Variants in AGBL4 observed in about 807,000 individuals in gnomAD.
AGBL4 encodes AGBL carboxypeptidase 4, also known as cytosolic carboxypeptidase 6.
AGBL4 carries 58 observed loss-of-function variants against 66.4 expected under a neutral mutation model. The ratio of observed to expected loss-of-function variants is 0.87; its 90% CI spans 0.71 to 1.09. The LOEUF (loss-of-function observed/expected upper bound fraction) is 1.09, where lower values mean the gene tolerates loss of function less well. AGBL4 is among the 50% of genes least tolerant of loss of function. The pLI is 0.00. For missense variants in AGBL4, 579 were observed against 631.0 expected (o/e 0.92, Z 0.88); for synonymous variants, 234 against 222.9 (o/e 1.05, Z -0.44).
At chr1:48,885,545 C>G (rs1398787705) in intron 5 of AGBL4, among the ~76,000 whole-genome samples, 1 of 152,034 alleles carries the variant, frequency 6.6e-6, no homozygotes, top group East Asian at 1.9e-4. Context: ...TTATGGGGCT[C>G]TGTGCAAAAT....
At chr1:48,835,105 T>A (rs1646644720) in intron 6 of AGBL4, among the ~76,000 whole-genome samples, 1 of 152,146 alleles carries the variant, frequency 6.6e-6, no homozygotes, top group Admixed American at 6.6e-5. Context: ...ATGCTCTGGA[T>A]TTAAACTGGG....
At chr1:49,909,197 T>G (rs902900090) in intron 1 of AGBL4, among the ~76,000 whole-genome samples, 2 of 152,188 alleles carry the variant, frequency 1.3e-5, no homozygotes, top group African/African-American at 4.8e-5. Flanking sequence ...AAATAATATT[T>G]GTAATTTTTG....
At chr1:49,116,122 G>A (rs1253928514) in intron 4 of AGBL4, among the ~76,000 whole-genome samples, 3 of 152,064 alleles carry the variant, frequency 2.0e-5, no homozygotes, top group Admixed American at 2.0e-4. Flanking sequence ...CTCTGTATAA[G>A]TATGTTTTTT....
At chr1:48,717,487 T>G (rs1479798609) in intron 6 of AGBL4, among the ~76,000 whole-genome samples, 1 of 152,210 alleles carries the variant, frequency 6.6e-6, no homozygotes, top group African/African-American at 2.4e-5. Flanking sequence ...TTTGCTGTAT[T>G]GACATTTCAC....
At chr1:49,133,797 G>A (rs1184691740) in intron 4 of AGBL4, among the ~76,000 whole-genome samples, 2 of 152,142 alleles carry the variant, frequency 1.3e-5, no homozygotes, top group East Asian at 3.9e-4. Flanking sequence ...GAGATAATAG[G>A]TGATGTATAA....
intron 5 of AGBL4, among the ~76,000 whole-genome samples, chr1:49,033,790 T>C (rs1315347523): frequency 2.6e-5 from 4 of 152,050 alleles, no homozygotes; most frequent in Admixed American, 6.6e-5. Context: ...CTCTTTCCTC[T>C]GGTTTCATGA....
intron 2 of AGBL4, among the ~76,000 whole-genome samples, chr1:49,795,888 G>A (rs957097408): frequency 3.3e-5 from 5 of 151,750 alleles, no homozygotes; most frequent in African/African-American, 4.8e-5. Flanking sequence ...GATTTGGAAG[G>A]ATTAAACATA....
intron 6 of AGBL4, among the ~76,000 whole-genome samples, chr1:48,665,748 T>G (rs907784680): frequency 1.3e-5 from 2 of 148,556 alleles, no homozygotes; most frequent in Non-Finnish European, 3.0e-5. Context: ...AGCCGCTGTC[T>G]TAGTATTTAT....
intron 5 of AGBL4, among the ~76,000 whole-genome samples, chr1:48,879,546 CAT>C (rs781697795): frequency 6.6e-6 from 1 of 152,056 alleles, no homozygotes; most frequent in Admixed American, 6.5e-5. Context: ...ACTTTCCTAA[CAT>C]ATTTTAATTT....
intron 3 of AGBL4, among the ~76,000 whole-genome samples, chr1:49,336,593 T>A (rs577421629): frequency 5.9e-5 from 9 of 152,318 alleles, no homozygotes; most frequent in Non-Finnish European, 2.9e-5. Context: ...ACAATTATAA[T>A]CCCTTAGATC....
At chr1:49,937,803 A>G (rs952666663) in intron 1 of AGBL4, among the ~76,000 whole-genome samples, 1 of 152,188 alleles carries the variant, frequency 6.6e-6, no homozygotes, top group Non-Finnish European at 1.5e-5. Context: ...GAGAACAAAG[A>G]CACAACATAC....
At position 48,589,257 on chromosome 1, in the gene AGBL4, G is replaced by A. The variant is rs1644876537; in HGVS notation, c.1104+1576C>T. ...CTGGGGCCACTCTTTACTCTCAGGT[G>A]TAAAGAGGGGACTGGACTAAATAAT... On this transcript the variant is annotated intron_variant, in intron 10 of 13. Coordinates refer to ENST00000371839, the MANE Select transcript of AGBL4 (RefSeq NM_032785.4). 2.0e-5 allele frequency among the ~76,000 whole-genome samples: 3 copies of A among 152,154 alleles called. No individual in the cohort carries two copies. The South Asian group carries it at 6.2e-4, about 32-fold the overall frequency.
intron 11 of AGBL4, among the ~76,000 whole-genome samples, chr1:48,546,594 C>G (rs1156230945): frequency 1.3e-5 from 2 of 152,140 alleles, no homozygotes; most frequent in East Asian, 1.9e-4. Flanking sequence ...AAATATTAGG[C>G]TAGAGACAAG....
intron 11 of AGBL4, among the ~76,000 whole-genome samples, chr1:48,544,710 ACTGCCCTGAGACC>A: frequency 6.6e-6 from 1 of 152,120 alleles, no homozygotes; most frequent in Non-Finnish European, 1.5e-5. Context: ...GAGCAGTCTG[ACTGCCCTGAGACC>A]CTGAGACCCT....
At chr1:48,886,739 A>G (rs1650392264) in intron 5 of AGBL4, among the ~76,000 whole-genome samples, 1 of 151,974 alleles carries the variant, frequency 6.6e-6, no homozygotes, top group Non-Finnish European at 1.5e-5. Flanking sequence ...TTTTTAGTAG[A>G]GAGGAGTTTC....
intron 6 of AGBL4, among the ~76,000 whole-genome samples, chr1:48,778,860 G>A (rs918868271): frequency 6.6e-6 from 1 of 152,144 alleles, no homozygotes; most frequent in African/African-American, 2.4e-5. Context: ...ATATCCAAAT[G>A]TGTAGGTCAG....
intron 1 of AGBL4, among the ~76,000 whole-genome samples, chr1:49,934,985 G>A (rs1189662770): frequency 6.6e-6 from 1 of 152,214 alleles, no homozygotes; most frequent in Non-Finnish European, 1.5e-5. Flanking sequence ...GTGGGCACAG[G>A]ACAGTGGGTG....
At chr1:48,854,293 C>T (rs1647097137) in intron 6 of AGBL4, among the ~76,000 whole-genome samples, 1 of 152,174 alleles carries the variant, frequency 6.6e-6, no homozygotes, top group African/African-American at 2.4e-5. Context: ...TTAATCATAG[C>T]TCCTAGACTC....
intron 1 of AGBL4, among the ~76,000 whole-genome samples, chr1:49,970,695 CA>C (rs1387298320): frequency 2.0e-4 from 19 of 96,346 alleles, no homozygotes; most frequent in African/African-American, 6.0e-4. Context: ...GACTCCGACT[CA>C]AAAAAAAACA....
Sources: allele counts gnomAD v4.1 joint callset (sites outside exome capture counted in the v4.1 genomes callset), GRCh38; gene constraint gnomAD v4.1.1; transcripts MANE v1.5; gene names NCBI Gene and HGNC (gene_info 2026-07-23, HGNC 2026-07-21).